LYNX1: variants seen among roughly 807,000 people sequenced by gnomAD.
LYNX1 encodes Ly6/neurotoxin 1.
A neutral mutation model predicts 8.3 loss-of-function variants in LYNX1; 8 were observed. The ratio of observed to expected loss-of-function variants is 0.97; its 90% CI spans 0.57 to 1.74. LYNX1 has a LOEUF of 1.74. Ranked by LOEUF, LYNX1 falls within the 40% of genes most tolerant of loss-of-function variation. LYNX1 has a pLI of 0.00. For synonymous variants in LYNX1, 73 were observed against 67.9 expected, an observed-to-expected ratio of 1.08 and a Z score of -0.37; for missense variants, 158 against 159.7, an observed-to-expected ratio of 0.99 and a Z score of 0.06.
In LYNX1 at chr8:142,774,218, G is replaced by T; in HGVS notation, c.*949C>A. 1.1e-6 allele frequency: 1 copy of T among 947,920 alleles called. No individual in the cohort carries two copies. Among genetic ancestry groups the T allele is most frequent in the Non-Finnish European group, 1.2e-6 (1 of 820,642 alleles). 58.7% of individuals were successfully genotyped at this position (947,920 alleles called of 1,614,324 possible). ...AGGGTGGCATGCTCCGCCTTCCCAC[G>T]CCCAGGCCCGCGCCGGCCCCAGGCT... On this transcript the variant is annotated 3_prime_UTR_variant, in exon 4 of 4. Coordinates refer to ENST00000652477, the MANE Select transcript of LYNX1 (RefSeq NM_177477.4).
Position 142,771,758 on chromosome 8 carries a change from C to T in LYNX1, c.*3409G>A, listed in dbSNP as rs763032793. On this transcript the variant is annotated 3_prime_UTR_variant, in exon 4 of 4. Coordinates refer to ENST00000652477, the MANE Select transcript of LYNX1 (RefSeq NM_177477.4). ...ACCAAATCGCCTTCATGAGAGATGA[C>T]GAATCAGATGCTACATAGTGGGGGA... The T allele has an allele frequency of 4.0e-4, 393 of 985,686 alleles. No individual in the cohort carries two copies. The highest frequency in any genetic ancestry group is 4.5e-4 in the Non-Finnish European group (373 of 829,950). The allele number at this position is 985,686 out of a possible 1,614,324, so 61.1% of individuals were successfully genotyped here.
chr8:142,772,609 C>T lies in LYNX1; in HGVS notation c.*2558G>A, dbSNP rs1369964554. The T allele has an allele frequency of 4.4e-5, 43 of 985,406 alleles. No homozygotes were observed. Among genetic ancestry groups the T allele is most frequent in the Non-Finnish European group, 5.2e-5 (43 of 830,004 alleles). The allele number at this position is 985,406 out of a possible 1,614,324, so 61.0% of individuals were successfully genotyped here. On this transcript the variant is annotated 3_prime_UTR_variant, in exon 4 of 4. Coordinates refer to ENST00000652477, the MANE Select transcript of LYNX1 (RefSeq NM_177477.4). ...TGTCAAAGGGGCAAGATAATGGCTC[C>T]CATTGCCGGGCTGCTATACAGTGCT...
Position 142,774,583 on chromosome 8 carries a change from G to A in LYNX1, c.*584C>T, listed in dbSNP as rs1183198617. On this transcript the variant is annotated 3_prime_UTR_variant, in exon 4 of 4. Transcript: ENST00000652477. Reference sequence around the variant, plus strand: ...CTGAGGCAGAGCCGCCCCCTCCCCTGCAGGGGGTGGCTCCAACTCGGGCCT... The same window carrying A: ...CTGAGGCAGAGCCGCCCCCTCCCCTACAGGGGGTGGCTCCAACTCGGGCCT... 1.0e-6 allele frequency: 1 copy of A among 985,762 alleles called. No individual in the cohort carries two copies. 61.1% of individuals were successfully genotyped at this position (985,762 alleles called of 1,614,324 possible).
chr8:142,777,845 C>T (rs1316371576), upstream of LYNX1: 1 of 398,798 alleles, frequency 2.5e-6, no homozygotes, highest in East Asian at 3.6e-5. Context: ...CCCACTCGCC[C>T]GCGCCGCGTC....
Position 142,774,245 on chromosome 8 carries a change from C to T in LYNX1, c.*922G>A, listed in dbSNP as rs1300389757. On this transcript the variant is annotated 3_prime_UTR_variant, in exon 4 of 4. Coordinates refer to ENST00000652477, the MANE Select transcript of LYNX1 (RefSeq NM_177477.4). ...CCAGGCCCGCGCCGGCCCCAGGCTG[C>T]TCCCAACCCCCAGCCTGTGCGCGCA... 62 of 984,790 alleles carry T rather than the reference C, an allele frequency of 6.3e-5. No homozygotes were observed. Among genetic ancestry groups the T allele is most frequent in the African/African-American group, 8.8e-5 (5 of 57,074 alleles). 61.0% of individuals were successfully genotyped at this position (984,790 alleles called of 1,614,324 possible). A position where few individuals can be genotyped will look rare whatever the true frequency, so the allele number is the denominator to read the frequency against.
rs966733386 is a variant in LYNX1 at position 142,775,940 on chromosome 8, G to C, written c.18C>G (p.Thr6=). 1 of 1,614,124 alleles carries C rather than the reference G, an allele frequency of 6.2e-7. No individual in the cohort carries two copies. Among genetic ancestry groups the C allele is most frequent in the Non-Finnish European group, 8.5e-7 (1 of 1,180,026 alleles). The change falls in exon 2 of 4, where the codon ACC becomes ACG. Residue 6 remains threonine (T), a synonymous_variant. Coordinates refer to ENST00000652477, the MANE Select transcript of LYNX1 (RefSeq NM_177477.4). ...AGCCCATGAGGACCACCAGGATCAG[G>C]GTGAGCAGGGGCGTCATGGCTGCAG... MTPLL[T]LILVVLMGLP... is the part of the protein sequence containing the mutation.
In LYNX1 at chr8:142,774,012, G is replaced by T. The variant is rs902729325; in HGVS notation, c.*1155C>A. 3 of 985,332 alleles carry T rather than the reference G, an allele frequency of 3.0e-6. No individual in the cohort carries two copies. In the African/African-American group the frequency reaches 5.2e-5, roughly 17 times the overall value. 61.0% of individuals were successfully genotyped at this position (985,332 alleles called of 1,614,324 possible). A position where few individuals can be genotyped will look rare whatever the true frequency, so the allele number is the denominator to read the frequency against. On this transcript the variant is annotated 3_prime_UTR_variant, in exon 4 of 4. Transcript: ENST00000652477. Reference sequence around the variant, plus strand: ...GACCCCTGCTTCCCAGGCCTGGGGTGGGGTCCCTGGGAGTCCACACACCCA... The same window carrying T: ...GACCCCTGCTTCCCAGGCCTGGGGTTGGGTCCCTGGGAGTCCACACACCCA...
At chr8:142,775,406 C>T (rs1483799093) in intron 3 of LYNX1, 43 bp from the exon 4 acceptor site, 17 of 1,602,356 alleles carry the variant, frequency 1.1e-5, no homozygotes, top group Non-Finnish European at 1.4e-5. Flanking sequence ...CTAAGAGGGG[C>T]AGGAGACCCA....
chr8:142,776,412 C>A (rs1022354972), intron 1 of LYNX1: 3 of 205,660 alleles, frequency 1.5e-5, no homozygotes, highest in East Asian at 1.1e-4. Context: ...GGCAGAGGGG[C>A]CTTAAATACC....
chr8:142,772,967 G>A lies in LYNX1; in HGVS notation c.*2200C>T, dbSNP rs923755458. 2.0e-6 allele frequency: 2 copies of A among 985,616 alleles called. No homozygotes were observed. The highest frequency in any genetic ancestry group is 1.2e-4 in the Admixed American group (2 of 16,270). 61.1% of individuals were successfully genotyped at this position (985,616 alleles called of 1,614,324 possible). The stretch of plus-strand genomic sequence containing the variant: ...CACCACAGCACTTCCAGCTCCAGCA[G>A]GTCCTTGTTCTCAGCTGCCCCTGAG... On this transcript the variant is annotated 3_prime_UTR_variant, in exon 4 of 4. Coordinates refer to ENST00000652477, the MANE Select transcript of LYNX1 (RefSeq NM_177477.4).
rs1815207080 is a variant in LYNX1, at chr8:142,772,084, GCC to G, written c.*3081_*3082del. The G allele has an allele frequency of 1.0e-6, 1 of 986,138 alleles. No homozygotes were observed. The highest frequency in any genetic ancestry group is 6.1e-5 in the Admixed American group (1 of 16,264). The allele number at this position is 986,138 out of a possible 1,614,324, so 61.1% of individuals were successfully genotyped here. Reference sequence around the variant, plus strand: ...ATGTATAACATCCCAGGGTGCCAGAGCCCGCCCAAGCAGCCACTCCTGTCCAG... The same window carrying G: ...ATGTATAACATCCCAGGGTGCCAGAGCGCCCAAGCAGCCACTCCTGTCCAG... On this transcript the variant is annotated 3_prime_UTR_variant, in exon 4 of 4. Coordinates refer to ENST00000652477, the MANE Select transcript of LYNX1 (RefSeq NM_177477.4).
rs1200041966 is a variant in LYNX1, at chr8:142,775,175, G to C, written c.343C>G (p.Leu115Val). Residue 115 changes from leucine to valine, a missense_variant, in exon 4 of 4, where the codon CTC becomes GTC. Transcript: ENST00000652477. ...APILLATLWG[L>V]L is the part of the protein sequence containing the mutation. ...GGTCTGCCTCGGGGGCTTTAGAGGA[G>C]ACCCCAGAGGGTGGCCAGGAGGATG... The C allele has an allele frequency of 6.2e-7, 1 of 1,611,176 alleles. No homozygotes were observed. Among genetic ancestry groups the C allele is most frequent in the Non-Finnish European group, 8.5e-7 (1 of 1,179,040 alleles).
Position 142,772,459 on chromosome 8 carries a change from G to A in LYNX1, c.*2708C>T. 1.0e-6 allele frequency: 1 copy of A among 985,506 alleles called. No homozygotes were observed. Among genetic ancestry groups the A allele is most frequent in the Non-Finnish European group, 1.2e-6 (1 of 829,962 alleles). 61.0% of individuals were successfully genotyped at this position (985,506 alleles called of 1,614,324 possible). On this transcript the variant is annotated 3_prime_UTR_variant, in exon 4 of 4. Coordinates refer to ENST00000652477, the MANE Select transcript of LYNX1 (RefSeq NM_177477.4). ...AACTCACCTCCCCCTTCCCAGGCTT[G>A]GGGGTCCAAGGAACCCCAGCTGGTG...
In LYNX1 at chr8:142,774,781, C is replaced by A; in HGVS notation, c.*386G>T. 9 of 1,074,236 alleles carry A rather than the reference C, an allele frequency of 8.4e-6. No homozygotes were observed. Among genetic ancestry groups the A allele is most frequent in the Non-Finnish European group, 1.0e-5 (9 of 885,900 alleles). The allele number at this position is 1,074,236 out of a possible 1,614,324, so 66.5% of individuals were successfully genotyped here. On this transcript the variant is annotated 3_prime_UTR_variant, in exon 4 of 4. Transcript: ENST00000652477. Reference sequence around the variant, plus strand: ...CCTGCGGGCATTCCTTGTCTTCCCCCTGCCCCAGCACACCAGGGGCAGACT... The same window carrying A: ...CCTGCGGGCATTCCTTGTCTTCCCCATGCCCCAGCACACCAGGGGCAGACT...
At chr8:142,776,159 G>C (rs1815416755) in intron 1 of LYNX1, 38 bp from the exon 2 acceptor site, 1 of 623,100 alleles carries the variant, frequency 1.6e-6, no homozygotes, top group African/African-American at 1.8e-5. Flanking sequence ...GTCAGTACTG[G>C]GCCTGAAGGA....
rs1416376277 is a variant in LYNX1 at position 142,775,121 on chromosome 8, G to A, written c.*46C>T. 6.3e-7 allele frequency: 1 copy of A among 1,584,806 alleles called. No homozygotes were observed. Among genetic ancestry groups the A allele is most frequent in the African/African-American group, 1.3e-5 (1 of 74,648 alleles). On this transcript the variant is annotated 3_prime_UTR_variant, in exon 4 of 4. Transcript: ENST00000652477. ...GTGAGCTGGGTGCGAGGGTGTAGCA[G>A]TGTGTCTCGAGAGCTTTGTTCTTGA...
In LYNX1 at chr8:142,772,251, C is replaced by A. The variant is rs1329913012; in HGVS notation, c.*2916G>T. ...GGGCATCTACCCCCATGAAGGGGAC[C>A]CTCGGTTCTGCGAGAGAGATCCCCG... On this transcript the variant is annotated 3_prime_UTR_variant, in exon 4 of 4. Coordinates refer to ENST00000652477, the MANE Select transcript of LYNX1 (RefSeq NM_177477.4). 1 of 985,856 alleles carries A rather than the reference C, an allele frequency of 1.0e-6. No homozygotes were observed. Among genetic ancestry groups the A allele is most frequent in the African/African-American group, 1.7e-5 (1 of 57,224 alleles). The allele number at this position is 985,856 out of a possible 1,614,324, so 61.1% of individuals were successfully genotyped here.
rs1815263475 is a variant in LYNX1, at chr8:142,773,458, C to T, written c.*1709G>A. The T allele has an allele frequency of 5.1e-6, 5 of 985,568 alleles. No individual in the cohort carries two copies. Among genetic ancestry groups the T allele is most frequent in the Non-Finnish European group, 4.8e-6 (4 of 830,028 alleles). The allele number at this position is 985,568 out of a possible 1,614,324, so 61.1% of individuals were successfully genotyped here. A position where few individuals can be genotyped will look rare whatever the true frequency, so the allele number is the denominator to read the frequency against. ...ATCTTCCCTCTGGGGAGTCACGTTC[C>T]TCCCGCTCCGGGCCCGTTCCCACCC... On this transcript the variant is annotated 3_prime_UTR_variant, in exon 4 of 4. Coordinates refer to ENST00000652477, the MANE Select transcript of LYNX1 (RefSeq NM_177477.4).
chr8:142,775,096 G>A lies in LYNX1; in HGVS notation c.*71C>T, dbSNP rs1227056042. 4.6e-6 allele frequency: 7 copies of A among 1,534,150 alleles called. No homozygotes were observed. Among genetic ancestry groups the A allele is most frequent in the South Asian group, 1.2e-5 (1 of 80,456 alleles). On this transcript the variant is annotated 3_prime_UTR_variant, in exon 4 of 4. Coordinates refer to ENST00000652477, the MANE Select transcript of LYNX1 (RefSeq NM_177477.4). Reference sequence around the variant, plus strand: ...CAGGGAGTGTGGAGGGTGAGGCAGGGTGAGCTGGGTGCGAGGGTGTAGCAG... The same window carrying A: ...CAGGGAGTGTGGAGGGTGAGGCAGGATGAGCTGGGTGCGAGGGTGTAGCAG...
Sources: gnomAD v4.1 joint callset for allele counts on GRCh38, gnomAD v4.1.1 for gene constraint, MANE v1.5 for transcripts, NCBI Gene and HGNC (gene_info 2026-07-23, HGNC 2026-07-21) for gene names.